Variants in CUX1 observed in about 807,000 individuals in gnomAD.
CUX1 encodes the protein protein CASP.
A neutral mutation model predicts 158.8 loss-of-function variants in CUX1; 31 were observed. The observed-to-expected ratio is 0.20, with a 90% CI of 0.15 to 0.26. The LOEUF (loss-of-function observed/expected upper bound fraction) is 0.26, where lower values mean the gene tolerates loss of function less well. Among genes scored for constraint, CUX1 ranks in the 10% least tolerant of loss-of-function variants. CUX1 has a pLI of 1.00. For synonymous variants in CUX1, 879 were observed against 862.1 expected, an observed-to-expected ratio of 1.02 and a Z score of -0.34; for missense variants, 1,589 against 2,014.6, an observed-to-expected ratio of 0.79 and a Z score of 4.04.
rs75405240 is a variant in CUX1, at chr7:102,241,978, A to G, written c.3887+2394A>G. On this transcript the variant is annotated intron_variant, in intron 23 of 23. Transcript: ENST00000292535. ...GAGCCAGACCCTGTCTCAAAAAAAG[A>G]AAGTCCAGGAGCTGCACAGCCAGTT... is the stretch of plus-strand genomic sequence containing the variant. 9.5e-3 allele frequency among the ~76,000 whole-genome samples: 1,443 copies of G among 152,320 alleles called. 18 individuals carry two copies. Among genetic ancestry groups the G allele is most frequent in the African/African-American group, 0.033 (1,378 of 41,570 alleles).
chr7:102,093,598 G>A (rs185147682), intron 4 of CUX1, among the ~76,000 whole-genome samples: 345 of 152,226 alleles, frequency 2.3e-3, no homozygotes, highest in Non-Finnish European at 3.7e-3. Flanking sequence ...TTGCAGAGCG[G>A]GCTCCGCCAG....
intron 1 of CUX1, among the ~76,000 whole-genome samples, chr7:101,896,901 G>A (rs77205426): frequency 6.6e-6 from 1 of 152,228 alleles, no homozygotes; most frequent in Admixed American, 6.5e-5. Flanking sequence ...AAGTTCTTAC[G>A]AGCAGTCAGT....
chr7:102,094,070 G>A (rs1828938456), intron 4 of CUX1, among the ~76,000 whole-genome samples: 1 of 152,212 alleles, frequency 6.6e-6, no homozygotes, highest in African/African-American at 2.4e-5. Context: ...TAACACACAG[G>A]TTGGGTTTTG....
chr7:101,972,487 G>T (rs568816693), intron 2 of CUX1, among the ~76,000 whole-genome samples: 1 of 152,210 alleles, frequency 6.6e-6, no homozygotes, highest in Non-Finnish European at 1.5e-5. Context: ...AGAGAGAAGC[G>T]TGTCATGGAT....
At chr7:102,243,632 AAATAATAATAATAATAAT>A (rs3077412) in intron 23 of CUX1, among the ~76,000 whole-genome samples, 17 of 130,814 alleles carry the variant, frequency 1.3e-4, no homozygotes, top group South Asian at 2.6e-4. Context: ...TCTCTACAGA[AAATAATAATAATAATAAT>A]AATAATAATA....
rs1385456715 is a variant in CUX1 at position 102,105,212 on chromosome 7, CACAG to C, written c.530+756_530+759del. The stretch of plus-strand genomic sequence containing the variant: ...ACACACACACACACACACACACACA[CACAG>C]ACTCTCTGATGTATTTAATATTACA... On this transcript the variant is annotated intron_variant, in intron 6 of 23. Transcript: ENST00000292535. 4.6e-5 allele frequency among the ~76,000 whole-genome samples: 7 copies of C among 150,928 alleles called. No individual in the cohort carries two copies. In the East Asian group the frequency reaches 9.7e-4, roughly 21 times the overall value.
intron 1 of CUX1, among the ~76,000 whole-genome samples, chr7:101,893,770 G>A (rs1021940172): frequency 2.0e-5 from 3 of 152,212 alleles, no homozygotes; most frequent in African/African-American, 7.2e-5. Flanking sequence ...ATGAGAATGA[G>A]AAGTAAAAGT....
At chr7:101,920,858 T>C (rs1470575400) in intron 2 of CUX1, among the ~76,000 whole-genome samples, 1 of 152,180 alleles carries the variant, frequency 6.6e-6, no homozygotes, top group Non-Finnish European at 1.5e-5. Flanking sequence ...TTGCTTTCTA[T>C]ATTTTTGTTT....
intron 2 of CUX1, among the ~76,000 whole-genome samples, chr7:102,006,498 G>C (rs1817396699): frequency 6.6e-6 from 1 of 152,124 alleles, no homozygotes. Flanking sequence ...CCGGGTTCAA[G>C]CAATTCTCAT....
chr7:102,100,154 T>G (rs1255635390), intron 5 of CUX1, among the ~76,000 whole-genome samples: 1 of 152,124 alleles, frequency 6.6e-6, no homozygotes. Flanking sequence ...TGGGCACGCC[T>G]GTAATCCCAG....
At chr7:101,996,887 C>G (rs1220390027) in intron 2 of CUX1, among the ~76,000 whole-genome samples, 3 of 152,042 alleles carry the variant, frequency 2.0e-5, no homozygotes, top group Non-Finnish European at 4.4e-5. Flanking sequence ...TCTCGTGTCC[C>G]CTCCAGTATT....
chr7:102,103,491 C>T (rs1260741903), intron 5 of CUX1, among the ~76,000 whole-genome samples: 6 of 152,040 alleles, frequency 3.9e-5, no homozygotes, highest in Admixed American at 2.6e-4. Context: ...AGTACAGTGG[C>T]GCAATCATAG....
In CUX1 at chr7:102,007,073, A is replaced by G. The variant is rs1817470486; in HGVS notation, c.142-21025A>G. ...CTCATCCAAGGAACAGACCCCATGC[A>G]CGGAGCCTAGATGCCCCGAGGTCTT... On this transcript the variant is annotated intron_variant, in intron 2 of 23. Transcript: ENST00000292535. 1.3e-5 allele frequency among the ~76,000 whole-genome samples: 2 copies of G among 152,188 alleles called. 1 individual carries two copies. The highest frequency in any genetic ancestry group is 4.1e-4 in the South Asian group (2 of 4,828).
At chr7:102,104,536 A>G (rs1053151460) in intron 6 of CUX1, 77 bp downstream of exon 6, 4 of 1,546,234 alleles carry the variant, frequency 2.6e-6, no homozygotes, top group Non-Finnish European at 3.5e-6. Context: ...CATGTTGATA[A>G]ATGGATCTGC....
At chr7:101,911,368 C>T (rs991348518) in intron 1 of CUX1, among the ~76,000 whole-genome samples, 4 of 152,126 alleles carry the variant, frequency 2.6e-5, no homozygotes, top group Admixed American at 2.0e-4. Flanking sequence ...AGTGGATGAC[C>T]TGAACCTTGG....
intron 2 of CUX1, among the ~76,000 whole-genome samples, chr7:101,939,062 T>C (rs1367657921): frequency 0.16 from 122 of 782 alleles, no homozygotes; most frequent in African/African-American, 0.31. Flanking sequence ...AAAATACATA[T>C]ATATATATAT....
chr7:102,171,224 C>G (rs1791682056), intron 10 of CUX1, among the ~76,000 whole-genome samples: 1 of 152,048 alleles, frequency 6.6e-6, no homozygotes, highest in South Asian at 2.1e-4. Flanking sequence ...GCCATAGCCC[C>G]CAGTGCAGAC....
intron 3 of CUX1, among the ~76,000 whole-genome samples, chr7:102,030,403 C>T (rs1311617147): frequency 1.4e-5 from 2 of 142,724 alleles, no homozygotes; most frequent in African/African-American, 5.1e-5. Context: ...TTTTGCTGAA[C>T]ATTCAGAAGT....
chr7:102,134,691 G>A (rs553995261), intron 8 of CUX1, among the ~76,000 whole-genome samples: 2 of 152,252 alleles, frequency 1.3e-5, no homozygotes, highest in South Asian at 4.1e-4. Flanking sequence ...CTGACCTCCT[G>A]GGCTCAAGTG....
Sources: gnomAD v4.1 joint callset for allele counts (sites outside exome capture counted in the v4.1 genomes callset) on GRCh38, gnomAD v4.1.1 for gene constraint, MANE v1.5 for transcripts, NCBI Gene and HGNC (gene_info 2026-07-23, HGNC 2026-07-21) for gene names.